The following DYM variants were observed in gnomAD, a reference collection of about 807,000 sequenced individuals.
DYM encodes dyggve-Melchior-Clausen syndrome protein.
Under a neutral mutation model 93.1 loss-of-function variants are expected in DYM, and 78 were observed. That is an observed-to-expected ratio of 0.84 (90% CI 0.70 to 1.01). The LOEUF (loss-of-function observed/expected upper bound fraction) is 1.01. Ranked by LOEUF, DYM falls within the 50% of genes least tolerant of loss-of-function variation. The pLI, the probability that DYM is intolerant of heterozygous loss-of-function variation, is 0.00. For synonymous variants in DYM, 321 were observed against 319.7 expected (o/e 1.00, Z -0.04); for missense variants, 789 against 845.0 (o/e 0.93, Z 0.82).
At chr18:49,070,277 G>A (rs1161972693) in intron 17 of DYM, among the ~76,000 whole-genome samples, 1 of 152,198 alleles carries the variant, frequency 6.6e-6, no homozygotes, top group Non-Finnish European at 1.5e-5. Flanking sequence ...GAGTTTACGT[G>A]CATTGTTTCT....
At chr18:49,292,624 A>AAAC (rs1568189068) in intron 8 of DYM, among the ~76,000 whole-genome samples, 27 of 65,040 alleles carry the variant, frequency 4.2e-4, no homozygotes, top group African/African-American at 8.1e-4. Context: ...AAAAAAAAAA[A>AAAC]ACCCCCACAA....
At position 49,237,615 on chromosome 18, in the gene DYM, G is replaced by A. The variant is rs143535422; in HGVS notation, c.1460+19395C>T. Among the ~76,000 whole-genome samples the A allele has an allele frequency of 2.0e-5, 3 of 152,096 alleles. 1 individual carries two copies. The East Asian group carries it at 5.8e-4, about 29-fold the overall frequency. On this transcript the variant is annotated intron_variant, in intron 13 of 17. Transcript: ENST00000675505. ...TAAAAATATTTATGTGCCATGTATTGTTATAAGGATACCATTAGTGAAAAA... is the reference window on the plus strand; with the variant it reads ...TAAAAATATTTATGTGCCATGTATTATTATAAGGATACCATTAGTGAAAAA...
intron 9 of DYM, among the ~76,000 whole-genome samples, chr18:49,285,293 A>T (rs1239978574): frequency 1.3e-5 from 2 of 152,226 alleles, no homozygotes; most frequent in African/African-American, 4.8e-5. Flanking sequence ...AGAAATGTGT[A>T]TCAGAATAAC....
chr18:49,395,197 C>A lies in DYM; in HGVS notation c.141-3552G>T, dbSNP rs964581651. 7.9e-5 allele frequency among the ~76,000 whole-genome samples: 12 copies of A among 152,006 alleles called. No homozygotes were observed. The East Asian group carries it at 1.9e-3, about 25-fold the overall frequency. On this transcript the variant is annotated intron_variant, in intron 2 of 17. Coordinates refer to ENST00000675505, the MANE Select transcript of DYM (RefSeq NM_001353214.3). ...CAAAGGAAAGAACAAAGTGAAGAGACAATCCACAGAAAAGGAGAAAATATT... is the reference window on the plus strand; with the variant it reads ...CAAAGGAAAGAACAAAGTGAAGAGAAAATCCACAGAAAAGGAGAAAATATT...
intron 16 of DYM, among the ~76,000 whole-genome samples, chr18:49,113,674 A>G (rs1183308610): frequency 6.6e-6 from 1 of 152,218 alleles, no homozygotes; most frequent in Non-Finnish European, 1.5e-5. Context: ...ATGAAAGAAG[A>G]AAGTAGCAAA....
Position 49,112,077 on chromosome 18 carries a change from C to T in DYM, c.1911+6667G>A, listed in dbSNP as rs867832441. On this transcript the variant is annotated intron_variant, in intron 16 of 17. Transcript: ENST00000675505. The stretch of plus-strand genomic sequence containing the variant: ...CAATAATGGGTCTCTACCTATGCCC[C>T]GAGGGCAACAAGGTTTGGTGCCTGC... 2.9e-4 allele frequency among the ~76,000 whole-genome samples: 44 copies of T among 150,930 alleles called. No homozygotes were observed. In the Middle Eastern group the frequency reaches 0.01, roughly 35 times the overall value.
chr18:49,410,496 T>TA (rs1262213697), intron 2 of DYM, among the ~76,000 whole-genome samples: 1 of 151,374 alleles, frequency 6.6e-6, no homozygotes, highest in Non-Finnish European at 1.5e-5. Flanking sequence ...CAATTGGTTG[T>TA]ATAATAACAC....
intron 2 of DYM, among the ~76,000 whole-genome samples, chr18:49,408,493 T>C (rs949468818): frequency 2.6e-5 from 4 of 152,220 alleles, no homozygotes; most frequent in African/African-American, 9.6e-5. Context: ...ATGTCGCAAA[T>C]TATATTCCAG....
At position 49,084,882 on chromosome 18, in the gene DYM, T is replaced by C. The variant is rs574970380; in HGVS notation, c.2025+12520A>G. On this transcript the variant is annotated intron_variant, in intron 17 of 17. Coordinates refer to ENST00000675505, the MANE Select transcript of DYM (RefSeq NM_001353214.3). ...AATATACACGCAGATGGTAAAATTA[T>C]GAAGACGATGACAGTTATACCCAAA... Among the ~76,000 whole-genome samples the C allele has an allele frequency of 3.3e-5, 5 of 152,340 alleles. 1 individual carries two copies. Among genetic ancestry groups the C allele is most frequent in the African/African-American group, 1.2e-4 (5 of 41,580 alleles).
chr18:49,229,496 T>C (rs1447290536), intron 13 of DYM, among the ~76,000 whole-genome samples: 1 of 152,072 alleles, frequency 6.6e-6, no homozygotes, highest in Non-Finnish European at 1.5e-5. Flanking sequence ...AGAAGATACA[T>C]GGATGGCAAA....
intron 14 of DYM, among the ~76,000 whole-genome samples, chr18:49,171,424 C>G (rs1276899222): frequency 2.6e-5 from 4 of 152,080 alleles, no homozygotes; most frequent in African/African-American, 9.7e-5. Flanking sequence ...AGTAACTGAA[C>G]TCCACAAAAG....
chr18:49,155,166 A>G (rs907755129), intron 15 of DYM, among the ~76,000 whole-genome samples: 3 of 152,216 alleles, frequency 2.0e-5, no homozygotes, highest in Admixed American at 1.3e-4. Flanking sequence ...GGAACTGCAT[A>G]TCTAGCTGAC....
At position 49,038,691 on chromosome 18, in the gene DYM, C is replaced by T. The variant is rs1230004518; in HGVS notation, c.*5364G>A. Among the ~76,000 whole-genome samples, 1 of 152,180 alleles carries T rather than the reference C, an allele frequency of 6.6e-6. No homozygotes were observed. Among genetic ancestry groups the T allele is most frequent in the East Asian group, 1.9e-4 (1 of 5,204 alleles). Reference sequence around the variant, plus strand: ...TTGCTTTCTATTTGTTCCACCTGTTCTGCTTTTTCTTCTTTCTTAGACTCT... The same window carrying T: ...TTGCTTTCTATTTGTTCCACCTGTTTTGCTTTTTCTTCTTTCTTAGACTCT... On this transcript the variant is annotated 3_prime_UTR_variant, in exon 18 of 18. Transcript: ENST00000675505.
chr18:49,255,702 C>T (rs2094380202), intron 13 of DYM, among the ~76,000 whole-genome samples: 1 of 150,206 alleles, frequency 6.7e-6, no homozygotes, highest in South Asian at 2.1e-4. Flanking sequence ...GAAGAGAAAC[C>T]CTGCATTGCC....
intron 8 of DYM, among the ~76,000 whole-genome samples, chr18:49,326,193 A>T (rs778874963): frequency 6.6e-6 from 1 of 152,224 alleles, no homozygotes; most frequent in Non-Finnish European, 1.5e-5. Context: ...ATGATTCAGT[A>T]AAAAGTTCAT....
chr18:49,345,687 T>C (rs1024635621), intron 6 of DYM, among the ~76,000 whole-genome samples: 2 of 152,184 alleles, frequency 1.3e-5, no homozygotes. Context: ...AATCAGCTTA[T>C]AGATCCTTAA....
intron 13 of DYM, among the ~76,000 whole-genome samples, chr18:49,226,361 C>G (rs2093531917): frequency 1.3e-5 from 2 of 152,234 alleles, no homozygotes; most frequent in East Asian, 3.9e-4. Flanking sequence ...GACAAAGCAA[C>G]TATTTAAAAA....
intron 14 of DYM, among the ~76,000 whole-genome samples, chr18:49,169,405 C>G (rs115777823): frequency 6.6e-6 from 1 of 152,156 alleles, no homozygotes; most frequent in African/African-American, 2.4e-5. Flanking sequence ...CAGCACTGCA[C>G]GTGCATCAAG....
intron 16 of DYM, among the ~76,000 whole-genome samples, chr18:49,111,223 T>TA (rs2081361488): frequency 1.3e-5 from 2 of 152,182 alleles, no homozygotes; most frequent in African/African-American, 2.4e-5. Context: ...TTTAAAAATG[T>TA]AAAAAACATA....
Sources: gnomAD v4.1 joint callset for allele counts (sites outside exome capture counted in the v4.1 genomes callset) on GRCh38, gnomAD v4.1.1 for gene constraint, MANE v1.5 for transcripts, NCBI Gene and HGNC (gene_info 2026-07-23, HGNC 2026-07-21) for gene names.